The following GPR61 variants were observed in gnomAD, a reference collection of about 807,000 sequenced individuals.
GPR61 encodes G-protein coupled receptor 61.
In GPR61, 15 loss-of-function variants were observed where a neutral mutation model predicts 29.2. That is an observed-to-expected ratio of 0.51 (90% CI 0.34 to 0.79). The LOEUF is 0.79. Ranked by LOEUF, GPR61 falls within the 30% of genes least tolerant of loss-of-function variation. The probability of loss-of-function intolerance (pLI) is 0.01; values close to 1 mark genes in which losing one functional copy is unlikely to be tolerated. For synonymous variants in GPR61, 238 were observed against 242.3 expected (o/e 0.98, Z 0.17); for missense variants, 399 against 582.5 (o/e 0.69, Z 3.24).
At chr1:109,541,682 G>T (rs1647646509) in intron 1 of GPR61, among the ~76,000 whole-genome samples, 1 of 152,242 alleles carries the variant, frequency 6.6e-6, no homozygotes, top group Non-Finnish European at 1.5e-5. Context: ...TCCTCCAAGG[G>T]TCAGCTCCAG....
Position 109,542,919 on chromosome 1 carries a change from G to A in GPR61, c.-104G>A, listed in dbSNP as rs1237121915. On this transcript the variant is annotated 5_prime_UTR_variant, in exon 2 of 2. Coordinates refer to ENST00000527748, the MANE Select transcript of GPR61 (RefSeq NM_001393907.1). Reference sequence around the variant, plus strand: ...GGCTCCAGTGGGAGGTGCCCCCTACGAAACCAGGAAGCCTGGGCCTGGGCT... The same window carrying A: ...GGCTCCAGTGGGAGGTGCCCCCTACAAAACCAGGAAGCCTGGGCCTGGGCT... 2.6e-6 allele frequency: 4 copies of A among 1,514,932 alleles called. No homozygotes were observed. Among genetic ancestry groups the A allele is most frequent in the Non-Finnish European group, 2.7e-6 (3 of 1,116,380 alleles). The allele number at this position is 1,514,932 out of a possible 1,614,324, so 93.8% of individuals were successfully genotyped here.
In GPR61 at chr1:109,544,548, T is replaced by C. The variant is rs1647745160; in HGVS notation, c.*170T>C. 3 of 598,540 alleles carry C rather than the reference T, an allele frequency of 5.0e-6. No homozygotes were observed. In the South Asian group the frequency reaches 6.9e-5, roughly 14 times the overall value. 37.1% of individuals were successfully genotyped at this position (598,540 alleles called of 1,614,324 possible). ...GAACAGAGCCAACAGGATGAACGTG[T>C]GCAAAAGCCTTGGACTTGGCTGTGA... is the stretch of plus-strand genomic sequence containing the variant. On this transcript the variant is annotated 3_prime_UTR_variant, in exon 2 of 2. Coordinates refer to ENST00000527748, the MANE Select transcript of GPR61 (RefSeq NM_001393907.1). The surrounding 1 kb of genome is among the most constrained non-coding windows in gnomAD (Gnocchi z 4.6).
chr1:109,542,588 C>G lies in GPR61; in HGVS notation c.-435C>G, dbSNP rs946108857. 7 of 425,240 alleles carry G rather than the reference C, an allele frequency of 1.6e-5. No homozygotes were observed. Among genetic ancestry groups the G allele is most frequent in the Middle Eastern group, 3.4e-4 (1 of 2,962 alleles). The allele number at this position is 425,240 out of a possible 1,614,324, so 26.3% of individuals were successfully genotyped here. The stretch of plus-strand genomic sequence containing the variant: ...CATAAGGAACCCTAAAACTGAGGCA[C>G]TATCCCAGAGATCAGCAGGACCCTG... On this transcript the variant is annotated 5_prime_UTR_variant, in exon 2 of 2. Transcript: ENST00000527748.
chr1:109,541,527 A>G (rs1228326490), intron 1 of GPR61, among the ~76,000 whole-genome samples: 1 of 152,198 alleles, frequency 6.6e-6, no homozygotes, highest in Non-Finnish European at 1.5e-5. Flanking sequence ...TGTGGAGGAG[A>G]GTGGGGCCCA....
Position 109,543,329 on chromosome 1 carries a change from G to A in GPR61, c.307G>A (p.Ala103Thr), listed in dbSNP as rs1223534948. ...GCCCCTGGCCATGCTCTCCAGCTCT[G>A]CCCTCTTTGACCACGCCCTCTTTGG... Reference protein sequence around the residue: ...LMPLAMLSSSALFDHALFGEV... With the variant: ...LMPLAMLSSSTLFDHALFGEV... Residue 103 changes from alanine (A) to threonine (T), a missense_variant, in exon 2 of 2, where the codon GCC (alanine) becomes ACC (threonine). Around this residue, in one of 3 missense-constraint regions of GPR61, gnomAD observed 320 missense variants for 459.8 expected, o/e 0.70. Transcript: ENST00000527748. This position sits in a 1 kb window ranked among gnomAD's most constrained non-coding sequence, Gnocchi z 6.8. 3 of 1,613,396 alleles carry A rather than the reference G, an allele frequency of 1.9e-6. No homozygotes were observed. The African/African-American group carries it at 4.0e-5, about 22-fold the overall frequency.
chr1:109,542,976 G>T lies in GPR61; in HGVS notation c.-47G>T. ...CCCAGGGTCGCTGGACTAGGATGGGGGATGGGCCTGTGACAGGAGGTACCC... is the reference window on the plus strand; with the variant it reads ...CCCAGGGTCGCTGGACTAGGATGGGTGATGGGCCTGTGACAGGAGGTACCC... On this transcript the variant is annotated 5_prime_UTR_variant, in exon 2 of 2. Coordinates refer to ENST00000527748, the MANE Select transcript of GPR61 (RefSeq NM_001393907.1). 1 of 1,552,250 alleles carries T rather than the reference G, an allele frequency of 6.4e-7. No individual in the cohort carries two copies. The highest frequency in any genetic ancestry group is 1.9e-5 in the Admixed American group (1 of 53,272).
Position 109,544,604 on chromosome 1 carries a change from ATGG to A in GPR61, c.*229_*231del. 2 of 538,126 alleles carry A rather than the reference ATGG, an allele frequency of 3.7e-6. No individual in the cohort carries two copies. The highest frequency in any genetic ancestry group is 6.8e-6 in the Non-Finnish European group (2 of 295,684). The allele number at this position is 538,126 out of a possible 1,614,324, so 33.3% of individuals were successfully genotyped here. ...GACTGCTAGGGGAGGGAACCTGGGT[ATGG>A]TGAGACGGTGACGAGAGAAAAGGGT... On this transcript the variant is annotated 3_prime_UTR_variant, in exon 2 of 2. Coordinates refer to ENST00000527748, the MANE Select transcript of GPR61 (RefSeq NM_001393907.1). This position sits in a 1 kb window ranked among gnomAD's most constrained non-coding sequence, Gnocchi z 4.6.
rs1019564536 is a variant in GPR61 at position 109,545,211 on chromosome 1, G to A, written c.*833G>A. 2.6e-5 allele frequency: 4 copies of A among 152,204 alleles called. No homozygotes were observed. The highest frequency in any genetic ancestry group is 2.6e-4 in the Admixed American group (4 of 15,280). The allele number at this position is 152,204 out of a possible 1,614,324, so 9.4% of individuals were successfully genotyped here. A position where few individuals can be genotyped will look rare whatever the true frequency, so the allele number is the denominator to read the frequency against. On this transcript the variant is annotated 3_prime_UTR_variant, in exon 2 of 2. Coordinates refer to ENST00000527748, the MANE Select transcript of GPR61 (RefSeq NM_001393907.1). ...AATTAGAATGACTGGGGGTCAGACG[G>A]GCGAGGGTGGAGGTTAGCATTTGAA...
rs1219852604 is a variant in GPR61, at chr1:109,543,880, A to C, written c.858A>C (p.Ala286=). ...GGACGTTTGGGGGAGGGAAAGCAGC[A>C]GTGGTTCTCCTGGCTGTGGGGGGAC... ...PHRTFGGGKA[A]VVLLAVGGQF... is the part of the protein sequence containing the mutation. Residue 286 remains alanine, a synonymous_variant, in exon 2 of 2, where the codon GCA becomes GCC. Coordinates refer to ENST00000527748, the MANE Select transcript of GPR61 (RefSeq NM_001393907.1). This position sits in a 1 kb window ranked among gnomAD's most constrained non-coding sequence, Gnocchi z 6.8. The C allele has an allele frequency of 6.2e-7, 1 of 1,613,514 alleles. No individual in the cohort carries two copies. Among genetic ancestry groups the C allele is most frequent in the African/African-American group, 1.3e-5 (1 of 75,068 alleles).
chr1:109,544,214 C>T lies in GPR61; in HGVS notation c.1192C>T (p.Arg398Ter), dbSNP rs1296160636. The T allele has an allele frequency of 3.7e-6, 6 of 1,614,050 alleles. No homozygotes were observed. The highest frequency in any genetic ancestry group is 1.7e-5 in the Admixed American group (1 of 60,024). ...TGCPSESWVS[R>*]PLPSPKQEPP... ...CTGTCCTTCTGAGTCCTGGGTTTCC[C>T]GACCCCTACCCAGCCCCAAGCAGGA... is the stretch of plus-strand genomic sequence containing the variant. Residue 398 changes from arginine to a stop codon, truncating the protein, a stop_gained, in exon 2 of 2, where the codon CGA becomes TGA. Coordinates refer to ENST00000527748, the MANE Select transcript of GPR61 (RefSeq NM_001393907.1). LOFTEE classifies it high-confidence loss of function. The surrounding 1 kb of genome is among the most constrained non-coding windows in gnomAD (Gnocchi z 4.6).
At position 109,543,969 on chromosome 1, in the gene GPR61, C is replaced by G; in HGVS notation, c.947C>G (p.Pro316Arg). The G allele has an allele frequency of 6.2e-7, 1 of 1,614,216 alleles. No homozygotes were observed. Among genetic ancestry groups the G allele is most frequent in the South Asian group, 1.1e-5 (1 of 91,088 alleles). The change falls in exon 2 of 2, where the codon CCC becomes CGC. Residue 316 changes from proline (P) to arginine (R), a missense_variant. This residue lies in a region of GPR61 where 320 missense variants were observed against 459.8 expected (regional missense o/e 0.70). Transcript: ENST00000527748. This position sits in a 1 kb window ranked among gnomAD's most constrained non-coding sequence, Gnocchi z 6.8. ...FHLYVALSAQ[P>R]ISTGQVESVV... ...CTCTATGTTGCCCTGAGTGCTCAGC[C>G]CATTTCAACTGGGCAGGTGGAGAGT...
At position 109,544,646 on chromosome 1, in the gene GPR61, T is replaced by G. The variant is rs1647747775; in HGVS notation, c.*268T>G. On this transcript the variant is annotated 3_prime_UTR_variant, in exon 2 of 2. Coordinates refer to ENST00000527748, the MANE Select transcript of GPR61 (RefSeq NM_001393907.1). The surrounding 1 kb of genome is among the most constrained non-coding windows in gnomAD (Gnocchi z 4.6). ...AGAGAAAAGGGTCACAAAGGTGAGG[T>G]GAAACCTCTCAATTGGTGAAATTTC... 1 of 452,248 alleles carries G rather than the reference T, an allele frequency of 2.2e-6. No individual in the cohort carries two copies. Among genetic ancestry groups the G allele is most frequent in the South Asian group, 4.8e-5 (1 of 20,838 alleles). 28.0% of individuals were successfully genotyped at this position (452,248 alleles called of 1,614,324 possible).
In GPR61 at chr1:109,544,497, CT is replaced by C; in HGVS notation, c.*123del. The C allele has an allele frequency of 1.4e-6, 1 of 719,026 alleles. No individual in the cohort carries two copies. Among genetic ancestry groups the C allele is most frequent in the Non-Finnish European group, 2.3e-6 (1 of 428,220 alleles). The allele number at this position is 719,026 out of a possible 1,614,324, so 44.5% of individuals were successfully genotyped here. The stretch of plus-strand genomic sequence containing the variant: ...CTGAGGCTGGGGTCTCTGCACACAG[CT>C]TTTGCTTAGTGTTTCCTGGGTCAGG... On this transcript the variant is annotated 3_prime_UTR_variant, in exon 2 of 2. Transcript: ENST00000527748. The surrounding 1 kb of genome is among the most constrained non-coding windows in gnomAD (Gnocchi z 4.6).
chr1:109,544,604 A>G lies in GPR61; in HGVS notation c.*226A>G, dbSNP rs1647746830. 2 of 538,008 alleles carry G rather than the reference A, an allele frequency of 3.7e-6. No homozygotes were observed. Among genetic ancestry groups the G allele is most frequent in the Non-Finnish European group, 6.8e-6 (2 of 295,692 alleles). 33.3% of individuals were successfully genotyped at this position (538,008 alleles called of 1,614,324 possible). ...GACTGCTAGGGGAGGGAACCTGGGT[A>G]TGGTGAGACGGTGACGAGAGAAAAG... On this transcript the variant is annotated 3_prime_UTR_variant, in exon 2 of 2. Coordinates refer to ENST00000527748, the MANE Select transcript of GPR61 (RefSeq NM_001393907.1). The surrounding 1 kb of genome is among the most constrained non-coding windows in gnomAD (Gnocchi z 4.6).
At position 109,543,056 on chromosome 1, in the gene GPR61, A is replaced by G. The variant is rs1219784720; in HGVS notation, c.34A>G (p.Asn12Asp). Reference protein sequence around the residue: ...ESSPIPQSSGNSSTLGRVPQT... With the variant: ...ESSPIPQSSGDSSTLGRVPQT... The stretch of plus-strand genomic sequence containing the variant: ...CTCACCCATCCCCCAGTCATCAGGG[A>G]ACTCTTCCACTTTGGGGAGGGTCCC... The change falls in exon 2 of 2, where the codon AAC becomes GAC. Residue 12 changes from asparagine to aspartate, a missense_variant. Transcript: ENST00000527748. This position sits in a 1 kb window ranked among gnomAD's most constrained non-coding sequence, Gnocchi z 6.8. 1 of 1,549,658 alleles carries G rather than the reference A, an allele frequency of 6.5e-7. No homozygotes were observed. The highest frequency in any genetic ancestry group is 1.4e-5 in the African/African-American group (1 of 73,106).
rs1647742436 is a variant in GPR61 at position 109,544,536 on chromosome 1, A to C, written c.*158A>C. On this transcript the variant is annotated 3_prime_UTR_variant, in exon 2 of 2. Transcript: ENST00000527748. The surrounding 1 kb of genome is among the most constrained non-coding windows in gnomAD (Gnocchi z 4.6). ...TTCCTGGGTCAGGAACAGAGCCAAC[A>C]GGATGAACGTGTGCAAAAGCCTTGG... is the stretch of plus-strand genomic sequence containing the variant. 1 of 618,064 alleles carries C rather than the reference A, an allele frequency of 1.6e-6. No homozygotes were observed. The highest frequency in any genetic ancestry group is 2.9e-6 in the Non-Finnish European group (1 of 344,334). 38.3% of individuals were successfully genotyped at this position (618,064 alleles called of 1,614,324 possible).
intron 1 of GPR61, among the ~76,000 whole-genome samples, chr1:109,540,552 C>T (rs1647600635): frequency 6.6e-6 from 1 of 152,206 alleles, no homozygotes; most frequent in South Asian, 2.1e-4. Flanking sequence ...GTGGCAAAGC[C>T]TTCTAGGTAC....
rs746429067 is a variant in GPR61, at chr1:109,543,600, C to G, written c.578C>G (p.Pro193Arg). ...SWEEGAPSVP[P>R]GCSLQWSHSA... ...GAGGAAGGAGCTCCCAGTGTCCCCC[C>G]AGGCTGTTCACTCCAGTGGAGCCAC... is the stretch of plus-strand genomic sequence containing the variant. Residue 193 changes from proline to arginine, a missense_variant, in exon 2 of 2, where the codon CCA (proline) becomes CGA (arginine). This residue lies in a region of GPR61 where 320 missense variants were observed against 459.8 expected (regional missense o/e 0.70). Coordinates refer to ENST00000527748, the MANE Select transcript of GPR61 (RefSeq NM_001393907.1). The surrounding 1 kb of genome is among the most constrained non-coding windows in gnomAD (Gnocchi z 6.8). The G allele has an allele frequency of 9.9e-6, 16 of 1,614,174 alleles. No individual in the cohort carries two copies. The South Asian group carries it at 1.5e-4, about 16-fold the overall frequency.
chr1:109,544,174 C>A lies in GPR61; in HGVS notation c.1152C>A (p.Phe384Leu), dbSNP rs773812490. The A allele has an allele frequency of 1.2e-6, 2 of 1,614,024 alleles. No individual in the cohort carries two copies. The highest frequency in any genetic ancestry group is 1.7e-6 in the Non-Finnish European group (2 of 1,179,972). ...EGSIEENFLQFLQGTGCPSES... is the reference protein window; with the variant it reads ...EGSIEENFLQLLQGTGCPSES... ...CCATTGAGGAGAACTTCCTGCAGTT[C>A]CTTCAGGGGACTGGCTGTCCTTCTG... The change falls in exon 2 of 2, where the codon TTC becomes TTA. Residue 384 changes from phenylalanine to leucine, a missense_variant. By Grantham distance (22) the Phe-to-Leu change is conservative (BLOSUM62 0). Coordinates refer to ENST00000527748, the MANE Select transcript of GPR61 (RefSeq NM_001393907.1). The surrounding 1 kb of genome is among the most constrained non-coding windows in gnomAD (Gnocchi z 4.6).
Sources: allele counts gnomAD v4.1 joint callset (sites outside exome capture counted in the v4.1 genomes callset), GRCh38; gene constraint gnomAD v4.1.1; regional missense constraint gnomAD v4.1.1; non-coding constraint Gnocchi (gnomAD v3.1); transcripts MANE v1.5; gene names NCBI Gene and HGNC (gene_info 2026-07-23, HGNC 2026-07-21).